Variants in AGBL4 observed in about 807,000 individuals in gnomAD.
AGBL4 encodes cytosolic carboxypeptidase 6.
AGBL4 carries 58 observed loss-of-function variants against 66.4 expected under a neutral mutation model. The observed-to-expected ratio is 0.87, with a 90% CI of 0.71 to 1.09. AGBL4 has a LOEUF of 1.09. Among genes scored for constraint, AGBL4 ranks in the 50% least tolerant of loss-of-function variants. The pLI is 0.00. For missense variants in AGBL4, 579 were observed against 631.0 expected, an observed-to-expected ratio of 0.92 and a Z score of 0.88; for synonymous variants, 234 against 222.9, an observed-to-expected ratio of 1.05 and a Z score of -0.44.
At position 48,912,569 on chromosome 1, in the gene AGBL4, A is replaced by C. The variant is rs145823888; in HGVS notation, c.595-45339T>G. ...TGCCACTGGACTGTATGTAAGGTGG[A>C]TATGTTGTCCAGCCCACTGCCAATG... On this transcript the variant is annotated intron_variant, in intron 5 of 13. Coordinates refer to ENST00000371839, the MANE Select transcript of AGBL4 (RefSeq NM_032785.4). Among the ~76,000 whole-genome samples the C allele has an allele frequency of 3.2e-4, 49 of 152,174 alleles. No individual in the cohort carries two copies. In the East Asian group the frequency reaches 9.5e-3, roughly 29 times the overall value.
chr1:49,725,544 G>A (rs1188558318), intron 2 of AGBL4, among the ~76,000 whole-genome samples: 1 of 152,070 alleles, frequency 6.6e-6, no homozygotes, highest in East Asian at 1.9e-4. Flanking sequence ...GGATGAGGCT[G>A]AAACAAGGTA....
intron 6 of AGBL4, among the ~76,000 whole-genome samples, chr1:48,701,791 G>A (rs774131201): frequency 6.6e-6 from 1 of 151,866 alleles, no homozygotes. Flanking sequence ...TCCTTTGTTG[G>A]GTTTTATTGT....
chr1:49,243,701 TA>T (rs1033119614), intron 4 of AGBL4, among the ~76,000 whole-genome samples: 30 of 146,424 alleles, frequency 2.0e-4, no homozygotes, highest in East Asian at 1.6e-3. Flanking sequence ...TCCTATGAAG[TA>T]AAAAAAAAAA....
At chr1:48,881,437 T>C (rs771260840) in intron 5 of AGBL4, among the ~76,000 whole-genome samples, 3 of 152,196 alleles carry the variant, frequency 2.0e-5, no homozygotes, top group Admixed American at 1.3e-4. Context: ...TTGGCTCTGT[T>C]TGCATTTTAA....
chr1:49,209,683 T>C lies in AGBL4; in HGVS notation c.377+36087A>G, dbSNP rs984543038. Among the ~76,000 whole-genome samples the C allele has an allele frequency of 8.5e-5, 13 of 152,220 alleles. 1 individual carries two copies. The East Asian group carries it at 2.5e-3, about 30-fold the overall frequency. On this transcript the variant is annotated intron_variant, in intron 4 of 13. Coordinates refer to ENST00000371839, the MANE Select transcript of AGBL4 (RefSeq NM_032785.4). ...TAGAGATTATGCAAAAGTGGTCAGC[T>C]GGGAACTTTATTAAGATTTTAACTA...
At chr1:48,759,091 T>C in intron 6 of AGBL4, 1 of 1,612,406 alleles carries the variant, frequency 6.2e-7, no homozygotes, top group Non-Finnish European at 8.5e-7. Context: ...GCGCAGCAGC[T>C]CCTCATACAG....
intron 6 of AGBL4, among the ~76,000 whole-genome samples, chr1:48,757,748 C>T (rs1644018711): frequency 6.6e-6 from 1 of 152,074 alleles, no homozygotes; most frequent in African/African-American, 2.4e-5. Context: ...AGCTTCATAT[C>T]TAAATATATT....
chr1:49,980,659 C>T (rs1344039379), intron 1 of AGBL4, among the ~76,000 whole-genome samples: 3 of 152,020 alleles, frequency 2.0e-5, no homozygotes, highest in Non-Finnish European at 4.4e-5. Context: ...TTTGTGTATC[C>T]ATTCATCTCC....
At chr1:49,880,449 G>T (rs1647196808) in intron 1 of AGBL4, among the ~76,000 whole-genome samples, 2 of 152,218 alleles carry the variant, frequency 1.3e-5, no homozygotes, top group East Asian at 3.9e-4. Flanking sequence ...CCCTGCTGGG[G>T]GGTGCCTCCC....
intron 3 of AGBL4, among the ~76,000 whole-genome samples, chr1:49,516,590 C>T (rs1366772186): frequency 6.6e-6 from 1 of 151,926 alleles, no homozygotes; most frequent in Non-Finnish European, 1.5e-5. Context: ...CTTTGCCAAA[C>T]TAAGGAGTCT....
At chr1:49,735,497 T>A (rs543714117) in intron 2 of AGBL4, among the ~76,000 whole-genome samples, 1 of 152,062 alleles carries the variant, frequency 6.6e-6, no homozygotes, top group African/African-American at 2.4e-5. Flanking sequence ...TTTTATATTA[T>A]CATTGTAATA....
At chr1:48,838,345 T>C (rs1646729438) in intron 6 of AGBL4, among the ~76,000 whole-genome samples, 1 of 152,016 alleles carries the variant, frequency 6.6e-6, no homozygotes, top group Admixed American at 6.6e-5. Flanking sequence ...AACAGACATA[T>C]AGACCAGTAG....
At chr1:49,523,808 C>A (rs1650447761) in intron 3 of AGBL4, among the ~76,000 whole-genome samples, 1 of 152,136 alleles carries the variant, frequency 6.6e-6, no homozygotes, top group South Asian at 2.1e-4. Flanking sequence ...ATTATCCCTG[C>A]ACTCAGCCTA....
chr1:49,626,271 T>G (rs1458424812), intron 3 of AGBL4, among the ~76,000 whole-genome samples: 6 of 152,136 alleles, frequency 3.9e-5, no homozygotes, highest in Non-Finnish European at 8.8e-5. Flanking sequence ...GAAGCTAGCT[T>G]CTTCTGGCTG....
In AGBL4 at chr1:48,867,247, A is replaced by T; in HGVS notation, c.595-17T>A. The T allele has an allele frequency of 6.2e-7, 1 of 1,613,092 alleles. No homozygotes were observed. The highest frequency in any genetic ancestry group is 1.7e-5 in the Admixed American group (1 of 59,876). On this transcript the variant is annotated splice_polypyrimidine_tract_variant and intron_variant, in intron 5 of 13. Coordinates refer to ENST00000371839, the MANE Select transcript of AGBL4 (RefSeq NM_032785.4). ...TCGTTGTTGCTGCAAAAGAAAACAC[A>T]CTGTGAGGGCACTGATTTGAGCCAG...
chr1:48,733,856 C>T (rs1648566820), intron 6 of AGBL4, among the ~76,000 whole-genome samples: 1 of 152,120 alleles, frequency 6.6e-6, no homozygotes, highest in African/African-American at 2.4e-5. Context: ...TACTATGTGC[C>T]AGACACTATG....
intron 4 of AGBL4, among the ~76,000 whole-genome samples, chr1:49,077,128 T>C (rs1376351986): frequency 6.6e-6 from 1 of 152,058 alleles, no homozygotes; most frequent in East Asian, 1.9e-4. Context: ...CTCTCATAGA[T>C]GGAAACTACT....
intron 6 of AGBL4, among the ~76,000 whole-genome samples, chr1:48,782,467 T>A (rs867990779): frequency 4.6e-5 from 7 of 152,172 alleles, no homozygotes; most frequent in Admixed American, 1.3e-4. Flanking sequence ...GAGACCTGGG[T>A]TTTGTAAATT....
At chr1:49,431,525 T>C (rs1023127377) in intron 3 of AGBL4, among the ~76,000 whole-genome samples, 2 of 152,318 alleles carry the variant, frequency 1.3e-5, no homozygotes, top group South Asian at 2.1e-4. Flanking sequence ...TATTAGGTCA[T>C]ATATGTTTGG....
Sources: allele counts gnomAD v4.1 joint callset (sites outside exome capture counted in the v4.1 genomes callset), GRCh38; gene constraint gnomAD v4.1.1; transcripts MANE v1.5; gene names NCBI Gene and HGNC (gene_info 2026-07-23, HGNC 2026-07-21).